PLCL2: variants seen among roughly 807,000 people sequenced by gnomAD.
PLCL2 encodes phospholipase C like 2.
Under a neutral mutation model 79.6 loss-of-function variants are expected in PLCL2, and 4 were observed. The observed-to-expected ratio is 0.05, with a 90% confidence interval of 0.02 to 0.11. The LOEUF is 0.11. PLCL2 is among the 10% of genes least tolerant of loss of function. PLCL2 has a pLI of 1.00. For synonymous variants in PLCL2, 484 were observed against 457.7 expected (o/e 1.06, Z -0.73); for missense variants, 895 against 1,291.0 (o/e 0.69, Z 4.70).
At chr3:16,930,776 C>T (rs908642294) in intron 1 of PLCL2, among the ~76,000 whole-genome samples, 2 of 152,100 alleles carry the variant, frequency 1.3e-5, no homozygotes, top group African/African-American at 4.8e-5. Flanking sequence ...CCAGCATGTC[C>T]CAAATGTTAT....
At chr3:17,072,818 G>A (rs1232405497) in intron 5 of PLCL2, among the ~76,000 whole-genome samples, 1 of 151,934 alleles carries the variant, frequency 6.6e-6, no homozygotes, top group African/African-American at 2.4e-5. Context: ...TATTTAAATT[G>A]GTTCACTGTC....
chr3:16,963,727 A>G (rs1266745678), intron 1 of PLCL2, among the ~76,000 whole-genome samples: 1 of 152,138 alleles, frequency 6.6e-6, no homozygotes, highest in East Asian at 1.9e-4. Flanking sequence ...CTATGACCAT[A>G]CTTGAATTAT....
intron 1 of PLCL2, among the ~76,000 whole-genome samples, chr3:17,008,634 T>C (rs976588449): frequency 5.3e-5 from 8 of 151,966 alleles, no homozygotes; most frequent in Admixed American, 1.3e-4. Context: ...GAAGTATTGG[T>C]GTAGGAGGCG....
Position 17,011,807 on chromosome 3 carries a change from C to T in PLCL2, c.2461C>T (p.Leu821=), listed in dbSNP as rs964880819. Residue 821 remains leucine, a synonymous_variant, in exon 2 of 6, where the codon CTG becomes TTG. Transcript: ENST00000615277. The surrounding 1 kb of genome is among the most constrained non-coding windows in gnomAD (Gnocchi z 7.9). ...FDESFEFQIN[L]PELAMVRFVV... ...TGAAAGCTTTGAATTTCAAATCAAC[C>T]TGCCTGAACTGGCCATGGTGCGCTT... 5 of 1,614,098 alleles carry T rather than the reference C, an allele frequency of 3.1e-6. No individual in the cohort carries two copies. The African/African-American group carries it at 5.3e-5, about 17-fold the overall frequency.
At chr3:16,926,454 C>G (rs1415164595) in intron 1 of PLCL2, among the ~76,000 whole-genome samples, 2 of 152,068 alleles carry the variant, frequency 1.3e-5, no homozygotes, top group Non-Finnish European at 2.9e-5. Flanking sequence ...CTGGCATTTC[C>G]TAAGTGCTAA....
chr3:17,025,648 T>A lies in PLCL2; in HGVS notation c.3018+10737T>A, dbSNP rs529413495. Reference sequence around the variant, plus strand: ...CTTGGGCCACCTTCTGGCAGTAAGGTGTGCTAATTTCTGACCCTTTTTTCT... The same window carrying A: ...CTTGGGCCACCTTCTGGCAGTAAGGAGTGCTAATTTCTGACCCTTTTTTCT... On this transcript the variant is annotated intron_variant, in intron 3 of 5. Transcript: ENST00000615277. Among the ~76,000 whole-genome samples the A allele has an allele frequency of 5.4e-4, 83 of 152,302 alleles. 2 individuals are homozygous for A. In the South Asian group the frequency reaches 0.017, roughly 31 times the overall value.
chr3:16,947,948 G>A (rs1301977896), intron 1 of PLCL2, among the ~76,000 whole-genome samples: 7 of 152,052 alleles, frequency 4.6e-5, no homozygotes, highest in Non-Finnish European at 1.0e-4. Flanking sequence ...GATTCATTAA[G>A]GATTATTTGG....
intron 1 of PLCL2, among the ~76,000 whole-genome samples, chr3:16,978,777 A>G (rs1441697881): frequency 1.3e-5 from 2 of 152,176 alleles, no homozygotes. Context: ...CAACAATTTT[A>G]TATGTTGGAA....
chr3:16,997,167 A>G (rs1016492470), intron 1 of PLCL2, among the ~76,000 whole-genome samples: 1 of 152,228 alleles, frequency 6.6e-6, no homozygotes, highest in African/African-American at 2.4e-5. Flanking sequence ...TGACCAGTTC[A>G]TTGAAAAGAT....
intron 3 of PLCL2, among the ~76,000 whole-genome samples, chr3:17,026,041 T>G (rs992623642): frequency 6.6e-6 from 1 of 152,148 alleles, no homozygotes; most frequent in African/African-American, 2.4e-5. Context: ...TGTTTTTCAT[T>G]CTCTTCACTT....
intron 5 of PLCL2, among the ~76,000 whole-genome samples, chr3:17,070,576 T>C (rs2065052023): frequency 6.6e-6 from 1 of 152,196 alleles, no homozygotes; most frequent in Non-Finnish European, 1.5e-5. Context: ...TGGAAAGATC[T>C]GTGTGTCATT....
intron 5 of PLCL2, among the ~76,000 whole-genome samples, chr3:17,077,116 G>A (rs1252396473): frequency 1.3e-5 from 2 of 152,170 alleles, no homozygotes; most frequent in African/African-American, 4.8e-5. Flanking sequence ...CTCTGTTTGA[G>A]TTCCCCTTTC....
intron 2 of PLCL2, among the ~76,000 whole-genome samples, chr3:17,013,884 T>C (rs2064355283): frequency 6.6e-6 from 1 of 152,226 alleles, no homozygotes; most frequent in Non-Finnish European, 1.5e-5. Context: ...TTACTAGCTG[T>C]GTGACGCTAG....
chr3:17,036,569 A>G (rs1465124562), intron 3 of PLCL2, among the ~76,000 whole-genome samples: 1 of 152,214 alleles, frequency 6.6e-6, no homozygotes, highest in Non-Finnish European at 1.5e-5. Context: ...GTTTCTCTCA[A>G]GAGTGCAGAA....
intron 4 of PLCL2, among the ~76,000 whole-genome samples, chr3:17,050,341 G>C (rs1018426031): frequency 6.6e-6 from 1 of 152,088 alleles, no homozygotes; most frequent in African/African-American, 2.4e-5. Context: ...AAGTTAAAAG[G>C]CTTCCACACA....
chr3:16,895,367 T>C (rs1390008464), intron 1 of PLCL2, among the ~76,000 whole-genome samples: 1 of 152,194 alleles, frequency 6.6e-6, no homozygotes, highest in Non-Finnish European at 1.5e-5. Context: ...ATTTTTCATG[T>C]TTAGATCTGG....
chr3:17,042,377 T>G (rs745716784), intron 3 of PLCL2, among the ~76,000 whole-genome samples: 20 of 152,212 alleles, frequency 1.3e-4, no homozygotes, highest in Non-Finnish European at 2.9e-4. Flanking sequence ...GTACTATTAG[T>G]GATGAATGGT....
intron 1 of PLCL2, among the ~76,000 whole-genome samples, chr3:16,981,013 G>T (rs1288118319): frequency 6.6e-6 from 1 of 152,256 alleles, no homozygotes; most frequent in Non-Finnish European, 1.5e-5. Flanking sequence ...GCGCGCGCCT[G>T]CAATCGCAGG....
At chr3:17,073,847 G>C (rs2065085581) in intron 5 of PLCL2, among the ~76,000 whole-genome samples, 1 of 152,068 alleles carries the variant, frequency 6.6e-6, no homozygotes, top group Non-Finnish European at 1.5e-5. Context: ...ACCTCTTCAG[G>C]CTCTATTTCT....
Sources: allele counts gnomAD v4.1 joint callset (sites outside exome capture counted in the v4.1 genomes callset), GRCh38; gene constraint gnomAD v4.1.1; non-coding constraint Gnocchi (gnomAD v3.1); transcripts MANE v1.5; gene names NCBI Gene and HGNC (gene_info 2026-07-23, HGNC 2026-07-21).